Variants in FGD4 observed in about 807,000 individuals in gnomAD.
The protein encoded by FGD4 is FYVE, RhoGEF and PH domain containing 4.
In FGD4, 42 loss-of-function variants were observed where a neutral mutation model predicts 102.0. The observed-to-expected ratio is 0.41, with a 90% CI of 0.32 to 0.53. FGD4 has a LOEUF of 0.53. FGD4 is among the 20% of genes least tolerant of loss of function. FGD4 has a pLI of 0.21. For synonymous variants in FGD4, 380 were observed against 375.7 expected, an observed-to-expected ratio of 1.01 and a Z score of -0.13; for missense variants, 902 against 1,078.2, an observed-to-expected ratio of 0.84 and a Z score of 2.29.
At chr12:32,500,741 T>C (rs1938157258) in intron 1 of FGD4, among the ~76,000 whole-genome samples, 1 of 152,192 alleles carries the variant, frequency 6.6e-6, no homozygotes, top group African/African-American at 2.4e-5. Context: ...CATGACCATA[T>C]TTTAATAACT....
At chr12:32,462,846 C>T (rs1943144563) in intron 1 of FGD4, among the ~76,000 whole-genome samples, 2 of 152,246 alleles carry the variant, frequency 1.3e-5, no homozygotes, top group South Asian at 4.1e-4. Context: ...TGTGCCATTG[C>T]CGTAATATAA....
At chr12:32,521,390 A>AAG (rs1940540969) in intron 1 of FGD4, among the ~76,000 whole-genome samples, 1 of 151,500 alleles carries the variant, frequency 6.6e-6, no homozygotes. Context: ...AAAAAAAAAA[A>AAG]GGACATTGCA....
At chr12:32,465,496 C>T (rs1315034059) in intron 1 of FGD4, among the ~76,000 whole-genome samples, 26 of 151,870 alleles carry the variant, frequency 1.7e-4, no homozygotes, top group Admixed American at 6.6e-4. Flanking sequence ...GGTAAAACCC[C>T]GTCTCTACTG....
chr12:32,633,519 A>T (rs1344098305), intron 14 of FGD4, 30 bp from the exon 15 acceptor site: 1 of 1,599,344 alleles, frequency 6.3e-7, no homozygotes, highest in South Asian at 1.1e-5. Context: ...TTTAAATATG[A>T]TTACTGTTCA....
At chr12:32,526,316 G>A (rs1197873300) in intron 1 of FGD4, among the ~76,000 whole-genome samples, 4 of 152,072 alleles carry the variant, frequency 2.6e-5, no homozygotes, top group East Asian at 1.9e-4. Context: ...TACACCAATC[G>A]GCACTCTGTA....
At chr12:32,639,314 C>T (rs147925365) in intron 16 of FGD4, among the ~76,000 whole-genome samples, 4,702 of 152,140 alleles carry the variant, frequency 0.031, 125 homozygotes, top group Non-Finnish European at 0.054. Flanking sequence ...CATGTACCCA[C>T]CACCACACCT....
At chr12:32,585,594 G>A (rs2136463535) in intron 4 of FGD4, among the ~76,000 whole-genome samples, 1 of 152,070 alleles carries the variant, frequency 6.6e-6, no homozygotes, top group African/African-American at 2.4e-5. Context: ...CCAGCACTTT[G>A]GGAGGCTACG....
chr12:32,473,646 GAC>G (rs1943498617), intron 1 of FGD4, among the ~76,000 whole-genome samples: 1 of 152,102 alleles, frequency 6.6e-6, no homozygotes, highest in Non-Finnish European at 1.5e-5. Context: ...ACCAATTCCG[GAC>G]ACACCTGGGT....
At chr12:32,556,566 A>G (rs1944136442) in intron 1 of FGD4, among the ~76,000 whole-genome samples, 1 of 152,148 alleles carries the variant, frequency 6.6e-6, no homozygotes, top group South Asian at 2.1e-4. Context: ...AGCATATGAT[A>G]GAATTTCCTG....
chr12:32,472,484 C>T (rs893676862), intron 1 of FGD4, among the ~76,000 whole-genome samples: 19 of 152,220 alleles, frequency 1.2e-4, no homozygotes, highest in African/African-American at 3.9e-4. Flanking sequence ...GCTGGCCCAC[C>T]GGTGCTGCGC....
chr12:32,644,099 CAT>C lies in FGD4; in HGVS notation c.*3567_*3568del, dbSNP rs1951294144. ...GTGTTAGTGGGTCTAAGATTAAGCACATGATATTTATAAGCTAAAATTAACTC... is the reference window on the plus strand; with the variant it reads ...GTGTTAGTGGGTCTAAGATTAAGCACGATATTTATAAGCTAAAATTAACTC... On this transcript the variant is annotated 3_prime_UTR_variant, in exon 17 of 17. Transcript: ENST00000534526. The C allele has an allele frequency of 6.6e-6, 1 of 152,122 alleles. No homozygotes were observed. Among genetic ancestry groups the C allele is most frequent in the East Asian group, 1.9e-4 (1 of 5,194 alleles). The allele number at this position is 152,122 out of a possible 1,614,324, so 9.4% of individuals were successfully genotyped here. A position where few individuals can be genotyped will look rare whatever the true frequency, so the allele number is the denominator to read the frequency against.
intron 1 of FGD4, among the ~76,000 whole-genome samples, chr12:32,423,223 A>G (rs1413814469): frequency 1.3e-5 from 2 of 152,328 alleles, no homozygotes; most frequent in Admixed American, 6.5e-5. Flanking sequence ...CAGAGAGGCC[A>G]CATGGGTTCT....
intron 1 of FGD4, among the ~76,000 whole-genome samples, chr12:32,465,484 A>G (rs1171915613): frequency 2.0e-5 from 3 of 151,976 alleles, no homozygotes; most frequent in Non-Finnish European, 4.4e-5. Context: ...CCCGGCCAAC[A>G]TGGTAAAACC....
rs1013346768 is a variant in FGD4 at position 32,520,592 on chromosome 12, C to A, written c.167-43545C>A. ...CTGGGATGACAGGTGCCCACCACCA[C>A]GCCTGGCTAATTTTTTTGTATTTTT... On this transcript the variant is annotated intron_variant, in intron 1 of 16. Transcript: ENST00000534526. Among the ~76,000 whole-genome samples, 7 of 151,934 alleles carry A rather than the reference C, an allele frequency of 4.6e-5. No individual in the cohort carries two copies. The East Asian group carries it at 1.4e-3, about 29-fold the overall frequency.
chr12:32,491,142 A>AC (rs1944076541), intron 1 of FGD4, among the ~76,000 whole-genome samples: 2 of 150,898 alleles, frequency 1.3e-5, no homozygotes, highest in South Asian at 4.2e-4. Context: ...TAAAAAAAAA[A>AC]AAAAAAAACA....
rs1445287336 is a variant in FGD4 at position 32,628,414 on chromosome 12, T to G, written c.2172+2635T>G. ...CACTAGAGAAAAGAGCCTGAGGATA[T>G]GGAAGAGTTTGATTCTAGAGTGAAA... is the stretch of plus-strand genomic sequence containing the variant. On this transcript the variant is annotated intron_variant, in intron 14 of 16. Transcript: ENST00000534526. 2.0e-5 allele frequency among the ~76,000 whole-genome samples: 3 copies of G among 150,162 alleles called. No homozygotes were observed. The East Asian group carries it at 5.9e-4, about 29-fold the overall frequency.
chr12:32,505,891 C>T (rs945555519), intron 1 of FGD4, among the ~76,000 whole-genome samples: 1 of 152,074 alleles, frequency 6.6e-6, no homozygotes, highest in African/African-American at 2.4e-5. Context: ...GTAGTATGTT[C>T]GCATAAGGCA....
chr12:32,530,478 C>CA (rs1941687454), intron 1 of FGD4, among the ~76,000 whole-genome samples: 1 of 151,950 alleles, frequency 6.6e-6, no homozygotes. Flanking sequence ...GACTCCATCT[C>CA]AAAAAAAGAA....
At chr12:32,414,435 A>C (rs1280344328) in intron 1 of FGD4, among the ~76,000 whole-genome samples, 2 of 152,198 alleles carry the variant, frequency 1.3e-5, no homozygotes, top group Non-Finnish European at 2.9e-5. Flanking sequence ...TCCTTGTGTT[A>C]CAATCCAATT....
Sources: gnomAD v4.1 joint callset for allele counts (sites outside exome capture counted in the v4.1 genomes callset) on GRCh38, gnomAD v4.1.1 for gene constraint, MANE v1.5 for transcripts, NCBI Gene and HGNC (gene_info 2026-07-23, HGNC 2026-07-21) for gene names.